The following YBX3 variants were observed in gnomAD, a reference collection of about 807,000 sequenced individuals.
The protein encoded by YBX3 is Y-box binding protein 3, also known as Y-box-binding protein 3.
In YBX3, 29 loss-of-function variants were observed where a neutral mutation model predicts 42.4. The ratio of observed to expected loss-of-function variants is 0.68; its 90% CI spans 0.51 to 0.93. The LOEUF is 0.93. Among genes scored for constraint, YBX3 ranks in the 40% least tolerant of loss-of-function variants. YBX3 has a pLI of 0.00. For synonymous variants in YBX3, 195 were observed against 189.8 expected (o/e 1.03, Z -0.22); for missense variants, 517 against 527.5 (o/e 0.98, Z 0.19).
In YBX3 at chr12:10,710,035, C is replaced by A. The variant is rs765951122; in HGVS notation, c.653G>T (p.Gly218Val). 1.2e-6 allele frequency: 2 copies of A among 1,614,112 alleles called. No individual in the cohort carries two copies. The highest frequency in any genetic ancestry group is 2.2e-5 in the South Asian group (2 of 91,072). ...DPPATDRQFS[G>V]ARNQLRRPQY... ...GGGGCGGCGCAGCTGATTCCGGGCC[C>A]CAGAGAACTGCCTATCAGTGGCAGG... is the stretch of plus-strand genomic sequence containing the variant. The change falls in exon 6 of 10, where the codon GGG (glycine) becomes GTG (valine). Residue 218 changes from glycine (G) to valine (V), a missense_variant. Transcript: ENST00000228251.
intron 1 of YBX3, chr12:10,722,214 C>T (rs1009811520): frequency 6.6e-6 from 1 of 152,272 alleles, no homozygotes; most frequent in African/African-American, 2.4e-5. Flanking sequence ...GGACTAAGAC[C>T]CAAGTTTCCC....
chr12:10,719,548 A>G (rs1340411437), intron 1 of YBX3, among the ~76,000 whole-genome samples: 1 of 152,240 alleles, frequency 6.6e-6, no homozygotes, highest in African/African-American at 2.4e-5. Context: ...CATCACTTTC[A>G]TACTTGGAAA....
chr12:10,715,574 C>A, intron 4 of YBX3, 120 bp downstream of exon 4: 1 of 923,532 alleles, frequency 1.1e-6, no homozygotes. Flanking sequence ...TTAAAAGTCA[C>A]TTCCTGCTAT....
intron 7 of YBX3, 123 bp from the exon 8 acceptor site, chr12:10,702,257 AC>A: frequency 2.1e-6 from 2 of 963,948 alleles, no homozygotes; most frequent in Admixed American, 3.2e-5. Flanking sequence ...ATGATGGCTC[AC>A]CCCTGTAATC....
Position 10,721,729 on chromosome 12 carries a change from T to C in YBX3, c.262+1121A>G, listed in dbSNP as rs1001247558. On this transcript the variant is annotated intron_variant, in intron 1 of 9. Coordinates refer to ENST00000228251, the MANE Select transcript of YBX3 (RefSeq NM_003651.5). ...CTCAACTTTCTTCCCAAAGGGGAAG[T>C]AGGGCTCAGAGAGATGAGACAAACA... Among the ~76,000 whole-genome samples, 9 of 152,210 alleles carry C rather than the reference T, an allele frequency of 5.9e-5. No homozygotes were observed. The South Asian group carries it at 1.2e-3, about 21-fold the overall frequency.
chr12:10,716,495 ATTC>A (rs1948264036), intron 3 of YBX3, among the ~76,000 whole-genome samples: 1 of 152,106 alleles, frequency 6.6e-6, no homozygotes, highest in Non-Finnish European at 1.5e-5. Context: ...TGAAGATGCT[ATTC>A]TTCATTAAAC....
At chr12:10,710,604 G>T (rs2120939501) in intron 5 of YBX3, 1 of 1,258,900 alleles carries the variant, frequency 7.9e-7, no homozygotes, top group Non-Finnish European at 1.0e-6. Context: ...AACTTCCAGG[G>T]GGTCAGCGAG....
intron 7 of YBX3, chr12:10,703,489 G>T: frequency 2.9e-6 from 1 of 345,518 alleles, no homozygotes; most frequent in Admixed American, 3.6e-5. Flanking sequence ...TACTTTATCA[G>T]GTACCACACT....
intron 6 of YBX3, among the ~76,000 whole-genome samples, chr12:10,708,341 A>G (rs1167582656): frequency 1.3e-5 from 2 of 152,176 alleles, no homozygotes; most frequent in Non-Finnish European, 2.9e-5. Context: ...ATTATGCCCA[A>G]TAAATTTCAT....
intron 3 of YBX3, 47 bp from the exon 4 acceptor site, chr12:10,715,830 G>C: frequency 6.6e-7 from 1 of 1,506,918 alleles, no homozygotes. Flanking sequence ...TTCAATATTG[G>C]CCACAGATTT....
At position 10,701,325 on chromosome 12, in the gene YBX3, T is replaced by A; in HGVS notation, c.1082A>T (p.Asn361Ile). The A allele has an allele frequency of 1.3e-6, 1 of 780,892 alleles. No homozygotes were observed. 48.4% of individuals were successfully genotyped at this position (780,892 alleles called of 1,614,324 possible). Residue 361 changes from asparagine to isoleucine, a missense_variant, in exon 9 of 10, where the codon AAC becomes ATC. Physicochemically the swap from Asn to Ile is moderately radical, Grantham distance 149. Around this residue, in one of 3 missense-constraint regions of YBX3, gnomAD observed 420 missense variants for 408.5 expected, o/e 1.03. Transcript: ENST00000228251. ...GCTCTGCTGGGTGGGTGGAGCAGGG[T>A]TCTCAGTTGGTGCTTCACCTGCCTT... ...EAKAGEAPTENPAPPTQQSSA... is the reference protein window; with the variant it reads ...EAKAGEAPTEIPAPPTQQSSA...
chr12:10,713,730 G>A (rs1948227097), intron 4 of YBX3, among the ~76,000 whole-genome samples: 1 of 152,184 alleles, frequency 6.6e-6, no homozygotes, highest in Non-Finnish European at 1.5e-5. Context: ...GTTAGTCTAG[G>A]AGGTACCAAG....
At position 10,719,129 on chromosome 12, in the gene YBX3, C is replaced by T; in HGVS notation, c.277G>A (p.Gly93Ser). Reference sequence around the variant, plus strand: ...CTGACGTTGAACCATTTGACAGTGCCAAGGACTTTGGTGGCTAAAATAGGA... The same window carrying T: ...CTGACGTTGAACCATTTGACAGTGCTAAGGACTTTGGTGGCTAAAATAGGA... ...EKKVLATKVLGTVKWFNVRNG... is the reference protein window; with the variant it reads ...EKKVLATKVLSTVKWFNVRNG... The change falls in exon 2 of 10, where the codon GGC (glycine) becomes AGC (serine). Residue 93 changes from glycine to serine, a missense_variant. Physicochemically the swap from Gly to Ser is moderately conservative, Grantham distance 56 (BLOSUM62 0). This residue lies in a region of YBX3 where 420 missense variants were observed against 408.5 expected (regional missense o/e 1.03). Coordinates refer to ENST00000228251, the MANE Select transcript of YBX3 (RefSeq NM_003651.5). 6.2e-7 allele frequency: 1 copy of T among 1,613,528 alleles called. No homozygotes were observed. The highest frequency in any genetic ancestry group is 8.5e-7 in the Non-Finnish European group (1 of 1,179,684).
At position 10,718,087 on chromosome 12, in the gene YBX3, C is replaced by G; in HGVS notation, c.360+1G>C. The G allele has an allele frequency of 6.2e-7, 1 of 1,611,326 alleles. No individual in the cohort carries two copies. On this transcript the variant is annotated splice_donor_variant, in intron 3 of 9. Coordinates refer to ENST00000228251, the MANE Select transcript of YBX3 (RefSeq NM_003651.5). LOFTEE classifies it high-confidence loss of function. ...AATGTAGTATTTATAATCCCTCTTA[C>G]CTGATGTACAAATACATCTTCTTTG...
chr12:10,708,309 T>C (rs1948160131), intron 6 of YBX3, among the ~76,000 whole-genome samples: 1 of 133,800 alleles, frequency 7.5e-6, no homozygotes, highest in Non-Finnish European at 1.7e-5. Context: ...CACTGGCCTA[T>C]ATATTCCTAT....
chr12:10,707,984 T>C (rs1367424724), intron 6 of YBX3, among the ~76,000 whole-genome samples: 3 of 152,220 alleles, frequency 2.0e-5, no homozygotes, highest in Admixed American at 2.0e-4. Context: ...AAATAAAAGT[T>C]GCTGATTTTT....
At chr12:10,717,667 T>C (rs1948277502) in intron 3 of YBX3, 1 of 153,802 alleles carries the variant, frequency 6.5e-6, no homozygotes. Flanking sequence ...CGCTATTTAC[T>C]TCAATTGAGA....
chr12:10,703,547 C>G lies in YBX3; in HGVS notation c.878+504G>C, dbSNP rs1034802092. On this transcript the variant is annotated intron_variant, in intron 7 of 9. Transcript: ENST00000228251. ...CCTTTAATCCCCAACTATAGAATAT[C>G]TCTTTGTTTTCAGACAGGGTCTCAC... 6.9e-6 allele frequency: 3 copies of G among 437,180 alleles called. No individual in the cohort carries two copies. In the Admixed American group the frequency reaches 7.6e-5, roughly 11 times the overall value. The allele number at this position is 437,180 out of a possible 1,614,324, so 27.1% of individuals were successfully genotyped here. A position where few individuals can be genotyped will look rare whatever the true frequency, so the allele number is the denominator to read the frequency against.
intron 7 of YBX3, 174 bp downstream of exon 7, chr12:10,703,877 T>C (rs1406660036): frequency 3.6e-6 from 2 of 560,160 alleles, no homozygotes; most frequent in African/African-American, 1.9e-5. Flanking sequence ...CTAAAAATTC[T>C]AGTATTAAGT....
Sources: allele counts gnomAD v4.1 joint callset (sites outside exome capture counted in the v4.1 genomes callset), GRCh38; gene constraint gnomAD v4.1.1; regional missense constraint gnomAD v4.1.1; transcripts MANE v1.5; gene names NCBI Gene and HGNC (gene_info 2026-07-23, HGNC 2026-07-21).